TEX11: variants seen among roughly 807,000 people sequenced by gnomAD.
TEX11 encodes testis expressed 11.
Under a neutral mutation model 84.4 loss-of-function variants are expected in TEX11, and 7 were observed. The observed-to-expected ratio is 0.08, with a 90% CI of 0.05 to 0.16. TEX11 has a LOEUF of 0.16. Ranked by LOEUF, TEX11 falls within the 10% of genes least tolerant of loss-of-function variation. TEX11 has a pLI of 1.00. For synonymous variants in TEX11, 264 were observed against 222.8 expected, an observed-to-expected ratio of 1.18 and a Z score of -1.64; for missense variants, 551 against 660.5, an observed-to-expected ratio of 0.83 and a Z score of 1.82.
intron 24 of TEX11, among the ~76,000 whole-genome samples, chrX:70,595,176 G>A (rs938186009): frequency 2.7e-5 from 3 of 111,194 alleles, no homozygotes; most frequent in African/African-American, 9.8e-5. Flanking sequence ...CTGCCTGCCG[G>A]ATTCAAGTGA....
rs1258306015 is a variant in TEX11 at position 70,853,272 on chromosome X, A to G, written c.381T>C (p.Asp127=). The G allele has an allele frequency of 1.7e-6, 2 of 1,210,448 alleles. No individual in the cohort carries two copies. The highest frequency in any genetic ancestry group is 5.9e-5 in the East Asian group (2 of 33,855). Residue 127 remains aspartate, a synonymous_variant, in exon 6 of 30, where the codon GAT becomes GAC. Transcript: ENST00000374333. ...WLDAGNFLIA[D]ECFQAAVASL... ...CGGCCACAGCAGCTTGAAAACATTC[A>G]TCAGCGATTAGAAAATTTCCAGCAT... is the stretch of plus-strand genomic sequence containing the variant.
chrX:70,807,117 A>G (rs1344446428), intron 8 of TEX11, among the ~76,000 whole-genome samples: 4 of 112,377 alleles, frequency 3.6e-5, no homozygotes, highest in Non-Finnish European at 7.5e-5. Context: ...GAGAAACCCA[A>G]TCATTGCCCA....
At chrX:70,852,059 T>C (rs1390351451) in intron 7 of TEX11, among the ~76,000 whole-genome samples, 2 of 112,499 alleles carry the variant, frequency 1.8e-5, no homozygotes, top group South Asian at 7.4e-4. Context: ...TTGTGGTGAA[T>C]ATTGCACAAT....
intron 12 of TEX11, among the ~76,000 whole-genome samples, chrX:70,724,999 C>T (rs944379826): frequency 1.8e-5 from 2 of 110,011 alleles, no homozygotes; most frequent in Admixed American, 1.9e-4. Flanking sequence ...TGGGTAGCTA[C>T]AGTTCTCTGC....
chrX:70,639,538 A>G (rs1345126419), intron 17 of TEX11, among the ~76,000 whole-genome samples: 3 of 111,912 alleles, frequency 2.7e-5, no homozygotes, highest in African/African-American at 9.8e-5. Context: ...CTTTGAAGAG[A>G]GCAGGGGTTC....
At chrX:70,905,213 C>T (rs780358381) in intron 2 of TEX11, among the ~76,000 whole-genome samples, 2 of 111,728 alleles carry the variant, frequency 1.8e-5, no homozygotes, top group East Asian at 2.8e-4. Context: ...GCCCCAGCTA[C>T]GCGGGAGGCT....
At chrX:70,856,204 C>A (rs1246112876) in intron 5 of TEX11, among the ~76,000 whole-genome samples, 1 of 110,951 alleles carries the variant, frequency 9.0e-6, no homozygotes, top group Non-Finnish European at 1.9e-5. Flanking sequence ...AGGAATATCT[C>A]TATATATTTC....
At chrX:70,724,017 A>C in intron 12 of TEX11, 1 of 682,858 alleles carries the variant, frequency 1.5e-6, no homozygotes, top group Non-Finnish European at 1.7e-6. Context: ...AGATTGAGTT[A>C]AGTAAAAGCA....
At chrX:70,738,805 T>C (rs973423315) in intron 11 of TEX11, among the ~76,000 whole-genome samples, 7 of 111,403 alleles carry the variant, frequency 6.3e-5, no homozygotes, top group Non-Finnish European at 1.1e-4. Flanking sequence ...TGCAGGGACA[T>C]GGATGAAGCT....
chrX:70,663,931 C>A (rs947157540), intron 16 of TEX11, among the ~76,000 whole-genome samples: 38 of 111,747 alleles, frequency 3.4e-4, no homozygotes, highest in Non-Finnish European at 5.7e-4. Flanking sequence ...TTGCATATAA[C>A]CTACACACAT....
chrX:70,613,218 C>T (rs1055556762), intron 20 of TEX11, among the ~76,000 whole-genome samples: 3 of 111,818 alleles, frequency 2.7e-5, no homozygotes, highest in Non-Finnish European at 5.6e-5. Flanking sequence ...CAAAAAATGA[C>T]TCTCATAAGA....
chrX:70,570,595 T>C (rs147532580), intron 25 of TEX11, among the ~76,000 whole-genome samples: 203 of 112,594 alleles, frequency 1.8e-3, no homozygotes, highest in Admixed American at 4.7e-3. Flanking sequence ...TTTGGAATAA[T>C]GTACTGGTAA....
At chrX:70,805,573 G>A (rs2091214495) in intron 9 of TEX11, among the ~76,000 whole-genome samples, 2 of 110,565 alleles carry the variant, frequency 1.8e-5, no homozygotes, top group Admixed American at 1.9e-4. Context: ...CCTAATTTTT[G>A]TATTTTTAGT....
chrX:70,685,789 T>C (rs765150089), intron 13 of TEX11, among the ~76,000 whole-genome samples: 4 of 112,199 alleles, frequency 3.6e-5, no homozygotes, highest in African/African-American at 6.5e-5. Context: ...TGAGATGGTA[T>C]CTAATTGTGG....
rs372499389 is a variant in TEX11, at chrX:70,744,240, AAAT to A, written c.693-24_693-22del. 1.3e-3 allele frequency: 875 copies of A among 656,500 alleles called. 6 individuals carry two copies. In the African/African-American group the frequency reaches 0.02, roughly 15 times the overall value. 54.1% of individuals were successfully genotyped at this position (656,500 alleles called of 1,213,427 possible). A position where few individuals can be genotyped will look rare whatever the true frequency, so the allele number is the denominator to read the frequency against. ...TTTGGCTATCATTAAAAAGGAAAAA[AAAT>A]ATATATATATATATAAACATATATC... On this transcript the variant is annotated intron_variant, in intron 9 of 29. Transcript: ENST00000374333.
chrX:70,754,600 C>T (rs1367525817), intron 9 of TEX11, among the ~76,000 whole-genome samples: 2 of 111,464 alleles, frequency 1.8e-5, no homozygotes, highest in Non-Finnish European at 3.8e-5. Context: ...CAGTCTTGAG[C>T]AAACATAGGT....
At chrX:70,825,184 C>T (rs371394943) in intron 8 of TEX11, among the ~76,000 whole-genome samples, 25 of 109,674 alleles carry the variant, frequency 2.3e-4, no homozygotes, top group African/African-American at 7.6e-4. Context: ...TGGTGGTGTA[C>T]GCTTGTAATC....
intron 8 of TEX11, among the ~76,000 whole-genome samples, chrX:70,812,001 A>C (rs1169537831): frequency 2.7e-5 from 3 of 110,984 alleles, no homozygotes; most frequent in Non-Finnish European, 5.7e-5. Context: ...ATGGTAGTTT[A>C]TTTTGCTGTG....
At chrX:70,714,529 C>T (rs1441225957) in intron 13 of TEX11, among the ~76,000 whole-genome samples, 1 of 111,590 alleles carries the variant, frequency 9.0e-6, no homozygotes, top group African/African-American at 3.3e-5. Flanking sequence ...TTGTATTGAT[C>T]CCTTTACCAT....
Sources: gnomAD v4.1 joint callset for allele counts (sites outside exome capture counted in the v4.1 genomes callset) on GRCh38, gnomAD v4.1.1 for gene constraint, MANE v1.5 for transcripts, NCBI Gene and HGNC (gene_info 2026-07-23, HGNC 2026-07-21) for gene names.